The following PTPRN2 variants were observed in gnomAD, a reference collection of about 807,000 sequenced individuals.
PTPRN2 encodes protein tyrosine phosphatase receptor type N2, also known as receptor-type tyrosine-protein phosphatase N2.
A neutral mutation model predicts 118.8 loss-of-function variants in PTPRN2; 74 were observed. The observed-to-expected ratio is 0.62, with a 90% CI of 0.52 to 0.76. The LOEUF is 0.76. Ranked by LOEUF, PTPRN2 falls within the 30% of genes least tolerant of loss-of-function variation. The pLI, the probability that PTPRN2 is intolerant of heterozygous loss-of-function variation, is 0.00. For missense variants in PTPRN2, 1,481 were observed against 1,394.4 expected (o/e 1.06, Z -0.99); for synonymous variants, 641 against 608.0 (o/e 1.05, Z -0.80).
rs1563555456 is a variant in PTPRN2 at position 158,171,292 on chromosome 7, CACAT to C, written c.550-4005_550-4002del. Among the ~76,000 whole-genome samples the C allele has an allele frequency of 5.5e-4, 41 of 74,882 alleles. 1 individual carries two copies. The highest frequency in any genetic ancestry group is 2.6e-3 in the African/African-American group (39 of 14,938). 49.1% of individuals were successfully genotyped at this position (74,882 alleles called of 152,430 possible). On this transcript the variant is annotated intron_variant, in intron 5 of 22. Coordinates refer to ENST00000389418, the MANE Select transcript of PTPRN2 (RefSeq NM_002847.5). ...ACATATATACACACATATATATACA[CACAT>C]ATATATACACACATATATATATATA...
In PTPRN2 at chr7:158,455,779, T is replaced by C. The variant is rs79608275; in HGVS notation, c.163+33956A>G. Among the ~76,000 whole-genome samples, 209 of 113,790 alleles carry C rather than the reference T, an allele frequency of 1.8e-3. 10 individuals carry two copies. Among genetic ancestry groups the C allele is most frequent in the Middle Eastern group, 7.2e-3 (1 of 138 alleles). The allele number at this position is 113,790 out of a possible 152,430, so 74.7% of individuals were successfully genotyped here. A position where few individuals can be genotyped will look rare whatever the true frequency, so the allele number is the denominator to read the frequency against. ...ACAACGGCATGGACGCCATCGGCCA[T>C]GGCCACCCATTACTCTGCAGAGAAC... On this transcript the variant is annotated intron_variant, in intron 2 of 22. Transcript: ENST00000389418.
At chr7:157,789,500 C>T (rs73165850) in intron 12 of PTPRN2, among the ~76,000 whole-genome samples, 4,049 of 152,292 alleles carry the variant, frequency 0.027, 82 homozygotes, top group South Asian at 0.045. Context: ...AGGTCTCTGC[C>T]GGAGAGAAAA....
At chr7:158,306,872 T>TTTTTTTTTTTTTTTTTTTG (rs1563112149) in intron 3 of PTPRN2, among the ~76,000 whole-genome samples, 3 of 124,176 alleles carry the variant, frequency 2.4e-5, no homozygotes, top group African/African-American at 3.1e-5. Flanking sequence ...TTTTTTTTTT[T>TTTTTTTTTTTTTTTTTTTG]TTTTTTTTTT....
rs906325615 is a variant in PTPRN2 at position 158,093,331 on chromosome 7, C to G, written c.1644-11954G>C. On this transcript the variant is annotated intron_variant, in intron 10 of 22. Coordinates refer to ENST00000389418, the MANE Select transcript of PTPRN2 (RefSeq NM_002847.5). This position sits in a 1 kb window ranked among gnomAD's most constrained non-coding sequence, Gnocchi z 4.4. The stretch of plus-strand genomic sequence containing the variant: ...CACACGCAGGCCTGCACCGTCCTTT[C>G]CTGACTCTGCCGCTGGACCGACCCC... 6.6e-6 allele frequency among the ~76,000 whole-genome samples: 1 copy of G among 150,566 alleles called. No individual in the cohort carries two copies. The highest frequency in any genetic ancestry group is 2.5e-5 in the African/African-American group (1 of 40,672).
chr7:157,765,506 C>T (rs1297450378), intron 12 of PTPRN2, among the ~76,000 whole-genome samples: 3 of 144,726 alleles, frequency 2.1e-5, no homozygotes, highest in Non-Finnish European at 1.5e-5. Context: ...TCCATCCATC[C>T]TTCCTCCATC....
At chr7:157,580,541 C>T (rs1308746574) in intron 17 of PTPRN2, among the ~76,000 whole-genome samples, 3 of 133,670 alleles carry the variant, frequency 2.2e-5, no homozygotes, top group Non-Finnish European at 4.8e-5. Flanking sequence ...ACACCCGAGC[C>T]GAGCCCCTGC....
chr7:157,740,873 C>T (rs992620850), intron 12 of PTPRN2, among the ~76,000 whole-genome samples: 4 of 152,242 alleles, frequency 2.6e-5, no homozygotes, highest in East Asian at 1.9e-4. Flanking sequence ...CGCTCTCTCT[C>T]CCCGCCTTTT....
At chr7:157,950,382 T>C (rs553484316) in intron 11 of PTPRN2, among the ~76,000 whole-genome samples, 13 of 152,242 alleles carry the variant, frequency 8.5e-5, no homozygotes, top group Non-Finnish European at 1.3e-4. Flanking sequence ...GCATAATGGG[T>C]TATTTTTGTT....
chr7:157,972,318 G>A (rs928346650), intron 11 of PTPRN2, among the ~76,000 whole-genome samples: 2 of 152,202 alleles, frequency 1.3e-5, no homozygotes, highest in African/African-American at 4.8e-5. Flanking sequence ...ACATGCAGAG[G>A]CACCTGGAAT....
intron 6 of PTPRN2, among the ~76,000 whole-genome samples, chr7:158,165,322 T>C (rs7785926): frequency 0.62 from 93,425 of 151,226 alleles, 30,052 homozygotes; most frequent in East Asian, 0.79. Context: ...GGAGAGGTGC[T>C]GGAGGGAAAG....
In PTPRN2 at chr7:157,610,698, T is replaced by C. The variant is rs1012808102; in HGVS notation, c.2345-6623A>G. On this transcript the variant is annotated intron_variant, in intron 15 of 22. Transcript: ENST00000389418. The surrounding 1 kb of genome is among the most constrained non-coding windows in gnomAD (Gnocchi z 5.1). Reference sequence around the variant, plus strand: ...TCGGACCACGTTTGTTTCAATACTCTGAGAAGCTACATGGGCTTGATTCTT... The same window carrying C: ...TCGGACCACGTTTGTTTCAATACTCCGAGAAGCTACATGGGCTTGATTCTT... Among the ~76,000 whole-genome samples the C allele has an allele frequency of 6.6e-6, 1 of 152,232 alleles. No individual in the cohort carries two copies. The highest frequency in any genetic ancestry group is 2.4e-5 in the African/African-American group (1 of 41,456).
At chr7:158,586,103 T>A (rs541966869) in intron 1 of PTPRN2, among the ~76,000 whole-genome samples, 1 of 151,986 alleles carries the variant, frequency 6.6e-6, no homozygotes, top group Non-Finnish European at 1.5e-5. Flanking sequence ...ATCCCAGAGG[T>A]GCGGGACCAG....
intron 2 of PTPRN2, among the ~76,000 whole-genome samples, chr7:158,341,232 T>C (rs1379836275): frequency 6.6e-6 from 1 of 151,258 alleles, no homozygotes; most frequent in Non-Finnish European, 1.5e-5. Context: ...ACCCACACTC[T>C]CACCATAATT....
At chr7:158,572,967 C>T (rs1828126269) in intron 1 of PTPRN2, among the ~76,000 whole-genome samples, 1 of 152,204 alleles carries the variant, frequency 6.6e-6, no homozygotes, top group African/African-American at 2.4e-5. Context: ...ATAAATCTCA[C>T]TCCATGACAT....
chr7:157,563,756 A>G (rs1331218576), intron 21 of PTPRN2, among the ~76,000 whole-genome samples: 15 of 139,354 alleles, frequency 1.1e-4, no homozygotes, highest in African/African-American at 3.6e-4. Flanking sequence ...ATCACCACAC[A>G]CAGCAGATCA....
intron 1 of PTPRN2, chr7:158,541,445 A>C: frequency 7.4e-7 from 1 of 1,351,790 alleles, no homozygotes; most frequent in Non-Finnish European, 9.8e-7. Flanking sequence ...TCTGCACCAG[A>C]CACTGCCACC....
chr7:158,066,346 G>T (rs1015474121), intron 11 of PTPRN2, among the ~76,000 whole-genome samples: 9 of 152,164 alleles, frequency 5.9e-5, no homozygotes, highest in Non-Finnish European at 8.8e-5. Context: ...TCTAAATATG[G>T]GCTGCCAGGC....
At chr7:158,056,583 G>A (rs999612480) in intron 11 of PTPRN2, among the ~76,000 whole-genome samples, 4 of 152,220 alleles carry the variant, frequency 2.6e-5, no homozygotes, top group Non-Finnish European at 5.9e-5. Context: ...TGTGCATCCC[G>A]TCACCAGCCA....
At position 158,256,276 on chromosome 7, in the gene PTPRN2, T is replaced by G. The variant is rs115693290; in HGVS notation, c.278-51003A>C. Among the ~76,000 whole-genome samples, 1,091 of 152,272 alleles carry G rather than the reference T, an allele frequency of 7.2e-3. 17 individuals are homozygous for G. The highest frequency in any genetic ancestry group is 0.025 in the African/African-American group (1,042 of 41,544). On this transcript the variant is annotated intron_variant, in intron 3 of 22. Coordinates refer to ENST00000389418, the MANE Select transcript of PTPRN2 (RefSeq NM_002847.5). ...GACTGACCTCTTGGGACTCAGAGTC[T>G]GATGCCGACTGGCTGAGGAAAGTGG... is the stretch of plus-strand genomic sequence containing the variant.
Sources: allele counts gnomAD v4.1 joint callset (sites outside exome capture counted in the v4.1 genomes callset), GRCh38; gene constraint gnomAD v4.1.1; non-coding constraint Gnocchi (gnomAD v3.1); transcripts MANE v1.5; gene names NCBI Gene and HGNC (gene_info 2026-07-23, HGNC 2026-07-21).